KAT6A: variants seen among roughly 807,000 people sequenced by gnomAD.
The protein encoded by KAT6A is histone acetyltransferase KAT6A.
KAT6A carries 9 observed loss-of-function variants against 198.4 expected under a neutral mutation model. The observed-to-expected ratio is 0.05, with a 90% CI of 0.03 to 0.08. The LOEUF (loss-of-function observed/expected upper bound fraction) is 0.08, where lower values mean the gene tolerates loss of function less well. Ranked by LOEUF, KAT6A falls within the 10% of genes least tolerant of loss-of-function variation. The probability of loss-of-function intolerance (pLI) is 1.00; values close to 1 mark genes in which losing one functional copy is unlikely to be tolerated. For synonymous variants in KAT6A, 890 were observed against 883.0 expected, an observed-to-expected ratio of 1.01 and a Z score of -0.14; for missense variants, 2,077 against 2,509.9, an observed-to-expected ratio of 0.83 and a Z score of 3.69.
At chr8:42,025,074 A>AATGTT (rs1826736699) in intron 2 of KAT6A, among the ~76,000 whole-genome samples, 1 of 152,116 alleles carries the variant, frequency 6.6e-6, no homozygotes, top group South Asian at 2.1e-4. Context: ...GATGTATAAG[A>AATGTT]GTTCCCTTTT....
intron 2 of KAT6A, among the ~76,000 whole-genome samples, chr8:42,018,172 C>T (rs1399792314): frequency 1.3e-5 from 2 of 152,158 alleles, no homozygotes; most frequent in Non-Finnish European, 2.9e-5. Context: ...TAAAGAAATT[C>T]CAAGTTAGTT....
intron 2 of KAT6A, among the ~76,000 whole-genome samples, chr8:42,003,590 G>A (rs979371822): frequency 4.6e-5 from 7 of 151,558 alleles, no homozygotes; most frequent in Non-Finnish European, 1.5e-5. Flanking sequence ...TTTCTTTACT[G>A]AAGTATCTAG....
chr8:41,942,967 C>T lies in KAT6A; in HGVS notation c.2262G>A (p.Gln754=). The change falls in exon 14 of 17, where the codon CAG becomes CAA. Residue 754 remains glutamine, a synonymous_variant. Coordinates refer to ENST00000265713, the MANE Select transcript of KAT6A (RefSeq NM_006766.5). ...FVIIRREKLI[Q]DHMAKLQLNL... ...TCAGCTGAAGCTTTGCCATGTGATC[C>T]TGGATAAGTTTTTCCCGGCGGATAA... The T allele has an allele frequency of 6.2e-7, 1 of 1,614,146 alleles. No individual in the cohort carries two copies. The highest frequency in any genetic ancestry group is 1.1e-5 in the South Asian group (1 of 91,080).
intron 8 of KAT6A, among the ~76,000 whole-genome samples, chr8:41,973,355 A>G (rs1823894156): frequency 6.6e-6 from 1 of 151,850 alleles, no homozygotes; most frequent in Non-Finnish European, 1.5e-5. Flanking sequence ...CCTCCCGAGT[A>G]GCTGGGACCA....
chr8:41,950,044 C>T (rs1461185534), intron 9 of KAT6A, among the ~76,000 whole-genome samples: 1 of 152,164 alleles, frequency 6.6e-6, no homozygotes, highest in Non-Finnish European at 1.5e-5. Flanking sequence ...ATGTTAGCCA[C>T]ACCAATACAA....
chr8:41,995,674 C>CTTTTTTT (rs10710765), intron 2 of KAT6A, among the ~76,000 whole-genome samples: 1 of 103,080 alleles, frequency 9.7e-6, no homozygotes, highest in Non-Finnish European at 1.9e-5. Flanking sequence ...ATTTTCATTT[C>CTTTTTTT]TTTTTTTTTT....
In KAT6A at chr8:41,929,929, A is replaced by C. The variant is rs549659896; in HGVS notation, c.*2276T>G. On this transcript the variant is annotated 3_prime_UTR_variant, in exon 17 of 17. Transcript: ENST00000265713. ...CAAAGTCACTAACAGTGAGTTTTTA[A>C]ATTTCTTTTTTAGAAGATTACCCAA... 1.4e-5 allele frequency: 3 copies of C among 217,030 alleles called. No individual in the cohort carries two copies. Among genetic ancestry groups the C allele is most frequent in the African/African-American group, 6.7e-5 (3 of 44,572 alleles). 13.4% of individuals were successfully genotyped at this position (217,030 alleles called of 1,614,324 possible). A position where few individuals can be genotyped will look rare whatever the true frequency, so the allele number is the denominator to read the frequency against.
intron 15 of KAT6A, among the ~76,000 whole-genome samples, chr8:41,937,976 A>C (rs893794962): frequency 3.3e-5 from 5 of 152,242 alleles, no homozygotes; most frequent in African/African-American, 1.2e-4. Flanking sequence ...GGTTTGCAGA[A>C]CTATCAGTAA....
intron 1 of KAT6A, among the ~76,000 whole-genome samples, chr8:42,050,698 A>G (rs1802570177): frequency 6.6e-6 from 1 of 152,178 alleles, no homozygotes; most frequent in Non-Finnish European, 1.5e-5. Flanking sequence ...AAGTAAGCTC[A>G]TTATACAGAT....
At chr8:42,051,675 C>T (rs1412429991) in intron 1 of KAT6A, among the ~76,000 whole-genome samples, 1 of 145,308 alleles carries the variant, frequency 6.9e-6, no homozygotes, top group Non-Finnish European at 1.5e-5. Flanking sequence ...CCGGGGCAGC[C>T]GGGCGCCGAA....
rs762190836 is a variant in KAT6A, at chr8:42,049,133, A to T, written c.-156T>A. On this transcript the variant is annotated 5_prime_UTR_variant, in exon 2 of 17. Transcript: ENST00000265713. ...AGTCCTTCCTCCTTTCACAAAACAG[A>T]ATGCCACCCCAATTGTACTATAGAA... 6.9e-6 allele frequency: 5 copies of T among 726,078 alleles called. No individual in the cohort carries two copies. The highest frequency in any genetic ancestry group is 1.1e-5 in the Non-Finnish European group (5 of 436,040). 45.0% of individuals were successfully genotyped at this position (726,078 alleles called of 1,614,324 possible).
At chr8:41,953,554 A>C (rs1188762445) in intron 9 of KAT6A, among the ~76,000 whole-genome samples, 1 of 152,058 alleles carries the variant, frequency 6.6e-6, no homozygotes, top group Non-Finnish European at 1.5e-5. Context: ...GTTCACTGCA[A>C]CCTCCGCCTC....
chr8:41,932,332 T>C lies in KAT6A; in HGVS notation c.5888A>G (p.Tyr1963Cys), dbSNP rs1338400261. ...MQMGMMGSQA[Y>C]TQQPMQPNPH... is the part of the protein sequence containing the mutation. ...GTTAGGCTGCATAGGCTGCTGGGTATAGGCCTGGCTCCCCATCATTCCCAT... is the reference window on the plus strand; with the variant it reads ...GTTAGGCTGCATAGGCTGCTGGGTACAGGCCTGGCTCCCCATCATTCCCAT... Residue 1963 changes from tyrosine to cysteine, a missense_variant, in exon 17 of 17, where the codon TAT (tyrosine) becomes TGT (cysteine). Physicochemically the swap from Tyr to Cys is radical, Grantham distance 194 (BLOSUM62 -2). This residue lies in a region of KAT6A where 500 missense variants were observed against 577.2 expected (regional missense o/e 0.87). Coordinates refer to ENST00000265713, the MANE Select transcript of KAT6A (RefSeq NM_006766.5). 3 of 1,614,220 alleles carry C rather than the reference T, an allele frequency of 1.9e-6. No individual in the cohort carries two copies. Among genetic ancestry groups the C allele is most frequent in the Non-Finnish European group, 1.7e-6 (2 of 1,180,032 alleles).
intron 10 of KAT6A, 129 bp downstream of exon 10, chr8:41,949,093 A>G (rs1822541416): frequency 5.5e-6 from 3 of 546,486 alleles, no homozygotes; most frequent in Non-Finnish European, 8.7e-6. Context: ...AGTTTTAAAA[A>G]TTATAATTAG....
intron 3 of KAT6A, among the ~76,000 whole-genome samples, chr8:41,982,894 G>A (rs915062390): frequency 6.6e-6 from 1 of 152,110 alleles, no homozygotes. Flanking sequence ...GAAAAACATA[G>A]CACCATATAC....
chr8:42,007,792 C>T (rs1380145588), intron 2 of KAT6A, among the ~76,000 whole-genome samples: 2 of 151,836 alleles, frequency 1.3e-5, no homozygotes, highest in Non-Finnish European at 2.9e-5. Flanking sequence ...GAAACCCCGT[C>T]TCTACTAAAA....
chr8:41,981,984 A>C (rs1382621213), intron 3 of KAT6A, 30 bp from the exon 4 acceptor site: 1 of 1,257,056 alleles, frequency 8.0e-7, no homozygotes, highest in Non-Finnish European at 1.2e-6. Context: ...TCATGAATGA[A>C]ACAATCAAGA....
chr8:41,949,216 C>A lies in KAT6A; in HGVS notation c.1740+6G>T. ...TGAGAGGACAATTACTAAGTATCTA[C>A]CTTACCTCAAAGACAGAAATATTAT... On this transcript the variant is annotated splice_donor_region_variant and intron_variant, in intron 10 of 16. Coordinates refer to ENST00000265713, the MANE Select transcript of KAT6A (RefSeq NM_006766.5). The A allele has an allele frequency of 1.3e-6, 2 of 1,505,278 alleles. No homozygotes were observed. The highest frequency in any genetic ancestry group is 1.8e-6 in the Non-Finnish European group (2 of 1,130,036). The allele number at this position is 1,505,278 out of a possible 1,614,324, so 93.2% of individuals were successfully genotyped here. A position where few individuals can be genotyped will look rare whatever the true frequency, so the allele number is the denominator to read the frequency against.
At chr8:42,032,145 T>G (rs566463881) in intron 2 of KAT6A, among the ~76,000 whole-genome samples, 1 of 151,924 alleles carries the variant, frequency 6.6e-6, no homozygotes, top group South Asian at 2.1e-4. Flanking sequence ...TAGCCAGGAG[T>G]ACTTGTTTTT....
Sources: gnomAD v4.1 joint callset for allele counts (sites outside exome capture counted in the v4.1 genomes callset) on GRCh38, gnomAD v4.1.1 for gene constraint, gnomAD v4.1.1 regional missense constraint, MANE v1.5 for transcripts, NCBI Gene and HGNC (gene_info 2026-07-23, HGNC 2026-07-21) for gene names.